The following FARS2 variants were observed in gnomAD, a reference collection of about 807,000 sequenced individuals.
FARS2 encodes phenylalanyl-tRNA synthetase 2, mitochondrial.
In FARS2, 40 loss-of-function variants were observed where a neutral mutation model predicts 46.4. The observed-to-expected ratio is 0.86, with a 90% CI of 0.67 to 1.12. The LOEUF (loss-of-function observed/expected upper bound fraction) is 1.12. Among genes scored for constraint, FARS2 ranks in the 50% most tolerant of loss-of-function variants. The pLI is 0.00. For synonymous variants in FARS2, 234 were observed against 214.9 expected, an observed-to-expected ratio of 1.09 and a Z score of -0.78; for missense variants, 513 against 567.9, an observed-to-expected ratio of 0.90 and a Z score of 0.98.
intron 6 of FARS2, among the ~76,000 whole-genome samples, chr6:5,759,786 C>G (rs536094658): frequency 2.2e-4 from 34 of 152,288 alleles, no homozygotes; most frequent in African/African-American, 7.7e-4. Flanking sequence ...GGAGCCCACA[C>G]TGTCAGAGCA....
intron 1 of FARS2, among the ~76,000 whole-genome samples, chr6:5,363,888 C>G (rs771012563): frequency 6.6e-6 from 1 of 152,196 alleles, no homozygotes; most frequent in East Asian, 1.9e-4. Flanking sequence ...TTAACTCTTA[C>G]GTCTATGCAA....
chr6:5,534,631 A>T (rs1039621632), intron 4 of FARS2, among the ~76,000 whole-genome samples: 1 of 152,160 alleles, frequency 6.6e-6, no homozygotes, highest in African/African-American at 2.4e-5. Context: ...ATTGTGTGTA[A>T]GTAACATATT....
chr6:5,535,199 AG>A (rs1770120112), intron 4 of FARS2, among the ~76,000 whole-genome samples: 1 of 152,214 alleles, frequency 6.6e-6, no homozygotes. Context: ...ATAGTTTTCA[AG>A]GTACAAATAT....
intron 1 of FARS2, among the ~76,000 whole-genome samples, chr6:5,274,803 C>A (rs978393618): frequency 6.6e-6 from 1 of 152,148 alleles, no homozygotes; most frequent in Non-Finnish European, 1.5e-5. Context: ...CTCCAACTTC[C>A]GGGCTCAAGC....
chr6:5,382,878 G>A (rs1280606778), intron 2 of FARS2, among the ~76,000 whole-genome samples: 1 of 152,224 alleles, frequency 6.6e-6, no homozygotes, highest in Non-Finnish European at 1.5e-5. Flanking sequence ...CTGAAGACAG[G>A]AGAAGACTGA....
chr6:5,427,102 A>G (rs193158757), intron 3 of FARS2, among the ~76,000 whole-genome samples: 1 of 152,144 alleles, frequency 6.6e-6, no homozygotes, highest in Non-Finnish European at 1.5e-5. Context: ...TAGTTGACAC[A>G]TCATTGTACA....
Position 5,415,407 on chromosome 6 carries a change from T to A in FARS2, c.772+10706T>A, listed in dbSNP as rs1196338228. On this transcript the variant is annotated intron_variant, in intron 3 of 6. Coordinates refer to ENST00000274680, the MANE Select transcript of FARS2 (RefSeq NM_006567.5). ...TCAGCTCACTGCAACCTCCACCTCC[T>A]GGGTTCAAGCAGTTCTCTCCCACCT... 5.7e-5 allele frequency among the ~76,000 whole-genome samples: 8 copies of A among 139,692 alleles called. No individual in the cohort carries two copies. In the Admixed American group the frequency reaches 6.2e-4, roughly 11 times the overall value. 91.6% of individuals were successfully genotyped at this position (139,692 alleles called of 152,430 possible).
chr6:5,371,283 GTC>G (rs1247769085), intron 2 of FARS2: 86 of 560,814 alleles, frequency 1.5e-4, no homozygotes, highest in Non-Finnish European at 3.8e-5. Context: ...ATGTTTTTTC[GTC>G]TTTCAGTTTA....
intron 2 of FARS2, among the ~76,000 whole-genome samples, chr6:5,403,032 T>TA (rs1417462421): frequency 6.6e-6 from 1 of 152,210 alleles, no homozygotes; most frequent in Non-Finnish European, 1.5e-5. Context: ...CCTGCCTGCC[T>TA]GCCTGCCTGC....
chr6:5,541,788 AC>A lies in FARS2; in HGVS notation c.905-3391del, dbSNP rs1215850226. 3.9e-5 allele frequency among the ~76,000 whole-genome samples: 6 copies of A among 152,336 alleles called. No individual in the cohort carries two copies. In the East Asian group the frequency reaches 1.2e-3, roughly 29 times the overall value. ...AAACAAAAGAATGGCTACTCCATAG[AC>A]AGAGCAGTGGCATGGGCTGTTCCAC... On this transcript the variant is annotated intron_variant, in intron 4 of 6. Coordinates refer to ENST00000274680, the MANE Select transcript of FARS2 (RefSeq NM_006567.5).
At chr6:5,755,094 A>T (rs769302170) in intron 6 of FARS2, among the ~76,000 whole-genome samples, 2 of 152,154 alleles carry the variant, frequency 1.3e-5, no homozygotes, top group African/African-American at 2.4e-5. Flanking sequence ...ACAGTTCCTT[A>T]GAGTTGTCTT....
upstream of FARS2, chr6:5,260,971 G>A (rs1332992143): frequency 2.4e-6 from 3 of 1,232,052 alleles, no homozygotes; most frequent in Admixed American, 4.4e-5. Flanking sequence ...AGGGGGCGGT[G>A]CTGGGAGGGA....
intron 6 of FARS2, among the ~76,000 whole-genome samples, chr6:5,634,600 A>G (rs1213405090): frequency 1.3e-5 from 2 of 152,222 alleles, no homozygotes; most frequent in South Asian, 4.1e-4. Context: ...ATGAGCCACA[A>G]TGCCAGGCCT....
At chr6:5,305,796 G>A (rs996588114) in intron 1 of FARS2, among the ~76,000 whole-genome samples, 4 of 152,104 alleles carry the variant, frequency 2.6e-5, no homozygotes, top group African/African-American at 9.7e-5. Context: ...TTTCTTTGCT[G>A]TCTGACCATG....
intron 6 of FARS2, among the ~76,000 whole-genome samples, chr6:5,732,642 C>T (rs748659220): frequency 2.0e-5 from 3 of 152,144 alleles, no homozygotes; most frequent in Non-Finnish European, 2.9e-5. Flanking sequence ...TGCCAAGGGG[C>T]GGAGCCCGGG....
chr6:5,381,370 A>AACACACAC (rs3057175), intron 2 of FARS2, among the ~76,000 whole-genome samples: 1,718 of 132,934 alleles, frequency 0.013, 29 homozygotes, highest in Admixed American at 0.046. Flanking sequence ...ACTCCCCAGA[A>AACACACAC]ACACACACAC....
At chr6:5,426,702 C>T (rs1013670411) in intron 3 of FARS2, among the ~76,000 whole-genome samples, 5 of 152,112 alleles carry the variant, frequency 3.3e-5, no homozygotes, top group South Asian at 2.1e-4. Flanking sequence ...CTTGGCTCAC[C>T]GCAACCTCCA....
Position 5,704,409 on chromosome 6 carries a change from C to T in FARS2, c.1218-66882C>T, listed in dbSNP as rs1758619352. The stretch of plus-strand genomic sequence containing the variant: ...ATCATCTTGGGGGTTAGGATTTTAA[C>T]ATGAATTTGGAGGGAACATAAACAC... On this transcript the variant is annotated intron_variant, in intron 6 of 6. Transcript: ENST00000274680. 2.0e-5 allele frequency among the ~76,000 whole-genome samples: 3 copies of T among 152,200 alleles called. No homozygotes were observed. The South Asian group carries it at 6.2e-4, about 32-fold the overall frequency.
At chr6:5,283,419 G>C (rs1766887674) in intron 1 of FARS2, among the ~76,000 whole-genome samples, 1 of 150,520 alleles carries the variant, frequency 6.6e-6, no homozygotes, top group Non-Finnish European at 1.5e-5. Context: ...CGTCTTGGTG[G>C]GCATCTGTAG....
Sources: allele counts gnomAD v4.1 joint callset (sites outside exome capture counted in the v4.1 genomes callset), GRCh38; gene constraint gnomAD v4.1.1; transcripts MANE v1.5; gene names NCBI Gene and HGNC (gene_info 2026-07-23, HGNC 2026-07-21).